EIF4G1: variants seen among roughly 807,000 people sequenced by gnomAD.
EIF4G1 encodes EIF4-gamma.
In EIF4G1, 4 loss-of-function variants were observed where a neutral mutation model predicts 187.8. The ratio of observed to expected loss-of-function variants is 0.02; its 90% confidence interval spans 0.01 to 0.05. The LOEUF (loss-of-function observed/expected upper bound fraction) is 0.05, where lower values mean the gene tolerates loss of function less well. Ranked by LOEUF, EIF4G1 falls within the 10% of genes least tolerant of loss-of-function variation. EIF4G1 has a pLI of 1.00. For missense variants in EIF4G1, 1,647 were observed against 2,081.1 expected (o/e 0.79, Z 4.06); for synonymous variants, 844 against 781.4 (o/e 1.08, Z -1.34).
At chr3:184,328,151 A>G (rs747082209) in intron 26 of EIF4G1, 149 bp downstream of exon 26, 27 of 905,270 alleles carry the variant, frequency 3.0e-5, no homozygotes, top group East Asian at 2.3e-4. Context: ...TGGGAGGCCA[A>G]GGTGGGTTGG....
Position 184,335,141 on chromosome 3 carries a change from ATAAAGTCTT to A in EIF4G1, c.*234_*242del, listed in dbSNP as rs1227421528. ...CCTGGGGCACAGAGATATATTATAT[ATAAAGTCTT>A]GAAATTTGGTGTGTCTTGGGGTGGG... On this transcript the variant is annotated 3_prime_UTR_variant, in exon 33 of 33. Coordinates refer to ENST00000346169, the MANE Select transcript of EIF4G1 (RefSeq NM_198241.3). The A allele has an allele frequency of 3.6e-6, 2 of 557,148 alleles. No individual in the cohort carries two copies. The highest frequency in any genetic ancestry group is 4.2e-5 in the South Asian group (2 of 48,128). 34.5% of individuals were successfully genotyped at this position (557,148 alleles called of 1,614,324 possible). A position where few individuals can be genotyped will look rare whatever the true frequency, so the allele number is the denominator to read the frequency against.
chr3:184,320,570 G>A, intron 7 of EIF4G1, 60 bp from the exon 8 acceptor site: 9 of 1,613,204 alleles, frequency 5.6e-6, no homozygotes, highest in Non-Finnish European at 7.6e-6. Flanking sequence ...TAAGATTGGG[G>A]CAGGGTGGAG....
chr3:184,329,957 A>G (rs901215011), intron 28 of EIF4G1, among the ~76,000 whole-genome samples: 8 of 152,250 alleles, frequency 5.3e-5, no homozygotes, highest in African/African-American at 1.7e-4. Flanking sequence ...TGTTATGTCA[A>G]CATCATTTAA....
chr3:184,327,789 A>C (rs1325389779), intron 25 of EIF4G1, 41 bp from the exon 26 acceptor site: 1 of 1,614,108 alleles, frequency 6.2e-7, no homozygotes, highest in Non-Finnish European at 8.5e-7. Context: ...TCTGGGTCAG[A>C]CAGTGACTGG....
chr3:184,332,200 C>A (rs1234980647), intron 32 of EIF4G1, 114 bp downstream of exon 32: 28 of 1,395,138 alleles, frequency 2.0e-5, no homozygotes, highest in Non-Finnish European at 2.7e-5. Context: ...CATTAGAGAG[C>A]AAAATGCCCT....
Position 184,324,563 on chromosome 3 carries a change from G to A in EIF4G1, c.2619+216G>A, listed in dbSNP as rs538481468. On this transcript the variant is annotated intron_variant, in intron 17 of 32. Transcript: ENST00000346169. ...TAGCCTCCACCTCCTGAGTTCAAGCGATTCTCCTGCCTCAGCCTCCCAAGT... is the reference window on the plus strand; with the variant it reads ...TAGCCTCCACCTCCTGAGTTCAAGCAATTCTCCTGCCTCAGCCTCCCAAGT... Among the ~76,000 whole-genome samples the A allele has an allele frequency of 1.8e-4, 28 of 152,220 alleles. No individual in the cohort carries two copies. In the South Asian group the frequency reaches 2.5e-3, roughly 14 times the overall value.
rs1470725487 is a variant in EIF4G1 at position 184,334,901 on chromosome 3, A to G, written c.4793A>G (p.His1598Arg). 1 of 1,614,134 alleles carries G rather than the reference A, an allele frequency of 6.2e-7. No homozygotes were observed. The highest frequency in any genetic ancestry group is 1.1e-5 in the South Asian group (1 of 91,080). The change falls in exon 33 of 33, where the codon CAC becomes CGC. Residue 1598 changes from histidine (H) to arginine (R), a missense_variant. By Grantham distance (29) the His-to-Arg change is conservative (BLOSUM62 0). Transcript: ENST00000346169. The surrounding 1 kb of genome is among the most constrained non-coding windows in gnomAD (Gnocchi z 5.8). Reference protein sequence around the residue: ...WLREAEEESDHN With the variant: ...WLREAEEESDRN ...CGTGAAGCAGAGGAGGAGTCTGACC[A>G]CAACTGAGGGCTGGTGGGGCCGGGG...
chr3:184,333,963 G>A (rs1423584290), intron 32 of EIF4G1, among the ~76,000 whole-genome samples: 3 of 152,142 alleles, frequency 2.0e-5, no homozygotes, highest in Non-Finnish European at 2.9e-5. Flanking sequence ...GTGCCCCTAG[G>A]CAGTTTGTGA....
rs1195857332 is a variant in EIF4G1 at position 184,326,909 on chromosome 3, T to G, written c.3354T>G (p.Ser1118Arg). ...AASEAARPATSTLNRFSALQQ... is the reference protein window; with the variant it reads ...AASEAARPATRTLNRFSALQQ... ...CAGAAGCTGCTCGCCCAGCTACTAG[T>G]ACTTTGAATCGCTTCTCAGCCCTTC... The change falls in exon 23 of 33, where the codon AGT becomes AGG. Residue 1118 changes from serine (S) to arginine (R), a missense_variant. This residue lies in a region of EIF4G1 where 543 missense variants were observed against 638.0 expected (regional missense o/e 0.85). Coordinates refer to ENST00000346169, the MANE Select transcript of EIF4G1 (RefSeq NM_198241.3). The G allele has an allele frequency of 6.2e-7, 1 of 1,614,240 alleles. No individual in the cohort carries two copies. The highest frequency in any genetic ancestry group is 1.7e-5 in the Admixed American group (1 of 60,026).
chr3:184,320,173 C>T (rs1723638605), intron 7 of EIF4G1: 5 of 910,904 alleles, frequency 5.5e-6, no homozygotes, highest in South Asian at 1.9e-5. Context: ...CGCCTCTGCT[C>T]AGTCCTCAAG....
intron 8 of EIF4G1, 48 bp downstream of exon 8, chr3:184,320,770 C>T (rs1228074975): frequency 6.2e-7 from 1 of 1,612,934 alleles, no homozygotes; most frequent in Non-Finnish European, 8.5e-7. Flanking sequence ...GTCTGTTCTG[C>T]CCTGGACTCC....
rs1723053229 is a variant in EIF4G1 at position 184,317,798 on chromosome 3, A to G, written c.406A>G (p.Thr136Ala). ...AGGCTTCTATCCAGGTGCAAGCCCT[A>G]CAGAATTTGGGACCTACGGTAAGCA... ...APGFYPGASP[T>A]EFGTYAGAYY... The change falls in exon 6 of 33, where the codon ACA becomes GCA. Residue 136 changes from threonine to alanine, a missense_variant. Physicochemically the swap from Thr to Ala is moderately conservative, Grantham distance 58. This residue lies in a region of EIF4G1 where 139 missense variants were observed against 187.3 expected (regional missense o/e 0.74). Transcript: ENST00000346169. 1.2e-6 allele frequency: 2 copies of G among 1,613,872 alleles called. No individual in the cohort carries two copies. The highest frequency in any genetic ancestry group is 8.5e-7 in the Non-Finnish European group (1 of 1,179,888).
rs369913695 is a variant in EIF4G1 at position 184,325,654 on chromosome 3, G to A, written c.3121+15G>A. ...CCCTCCCATCAGTGAGTTCCAAGCT[G>A]GGATTGAGAAGGGAGCAGTGAAGGG... On this transcript the variant is annotated intron_variant, in intron 20 of 32. Transcript: ENST00000346169. The surrounding 1 kb of genome is among the most constrained non-coding windows in gnomAD (Gnocchi z 5.2). 6.2e-7 allele frequency: 1 copy of A among 1,614,028 alleles called. No homozygotes were observed. Among genetic ancestry groups the A allele is most frequent in the Non-Finnish European group, 8.5e-7 (1 of 1,180,054 alleles).
Position 184,323,312 on chromosome 3 carries a change from C to G in EIF4G1, c.2088+71C>G. ...GGATGATTCCGTGTCTCAGTGCCCG[C>G]GGGGAGGGGTTTGCCCTGGAGGCGT... On this transcript the variant is annotated intron_variant, in intron 14 of 32. Coordinates refer to ENST00000346169, the MANE Select transcript of EIF4G1 (RefSeq NM_198241.3). This position sits in a 1 kb window ranked among gnomAD's most constrained non-coding sequence, Gnocchi z 6.9. 1.9e-6 allele frequency: 3 copies of G among 1,611,348 alleles called. No homozygotes were observed. Among genetic ancestry groups the G allele is most frequent in the Non-Finnish European group, 2.5e-6 (3 of 1,178,076 alleles).
At chr3:184,320,474 C>G in intron 7 of EIF4G1, 156 bp from the exon 8 acceptor site, 3 of 1,531,814 alleles carry the variant, frequency 2.0e-6, no homozygotes, top group Non-Finnish European at 2.6e-6. Context: ...CGAGAGCAGC[C>G]AGATGGGCTG....
At chr3:184,322,243 A>G in intron 10 of EIF4G1, 119 bp from the exon 11 acceptor site, 1 of 1,533,888 alleles carries the variant, frequency 6.5e-7, no homozygotes, top group East Asian at 2.3e-5. Flanking sequence ...TTTAAGCCTA[A>G]AAAGGGTGAT....
chr3:184,331,215 T>C, intron 28 of EIF4G1, 51 bp from the exon 29 acceptor site: 3 of 1,591,198 alleles, frequency 1.9e-6, no homozygotes, highest in Non-Finnish European at 2.6e-6. Context: ...AGCTGTTGGG[T>C]CCTTGGAGAG....
chr3:184,323,402 T>C lies in EIF4G1; in HGVS notation c.2089-6T>C. On this transcript the variant is annotated splice_polypyrimidine_tract_variant and splice_region_variant and intron_variant, in intron 14 of 32. Transcript: ENST00000346169. The surrounding 1 kb of genome is among the most constrained non-coding windows in gnomAD (Gnocchi z 6.9). ...TCCCCTCTTGTCTTCATCCCTTGCT[T>C]AGCAGGCTGGCCTGGGACCCCGGCG... 6.2e-7 allele frequency: 1 copy of C among 1,614,156 alleles called. No homozygotes were observed.
intron 28 of EIF4G1, 50 bp downstream of exon 28, chr3:184,329,040 C>G: frequency 6.2e-7 from 1 of 1,605,154 alleles, no homozygotes; most frequent in Non-Finnish European, 8.5e-7. Context: ...GTGGTTTTGG[C>G]TGTTTGCTGT....
Sources: gnomAD v4.1 joint callset for allele counts (sites outside exome capture counted in the v4.1 genomes callset) on GRCh38, gnomAD v4.1.1 for gene constraint, gnomAD v4.1.1 regional missense constraint, Gnocchi (gnomAD v3.1) non-coding constraint, MANE v1.5 for transcripts, NCBI Gene and HGNC (gene_info 2026-07-23, HGNC 2026-07-21) for gene names.